C12orf42: variants seen among roughly 807,000 people sequenced by gnomAD.
The protein encoded by C12orf42 is uncharacterized protein C12orf42.
In C12orf42, 25 loss-of-function variants were observed where a neutral mutation model predicts 21.6. That is an observed-to-expected ratio of 1.16 (90% confidence interval 0.84 to 1.62). The LOEUF is 1.62. C12orf42 is among the 40% of genes most tolerant of loss of function. The pLI is 0.00. For synonymous variants in C12orf42, 174 were observed against 175.0 expected, an observed-to-expected ratio of 0.99 and a Z score of 0.05; for missense variants, 483 against 459.3, an observed-to-expected ratio of 1.05 and a Z score of -0.47.
the C12orf42 span, among the ~76,000 whole-genome samples, chr12:103,195,157 C>T: frequency 3.2e-4 from 49 of 152,250 alleles, no homozygotes; most frequent in Non-Finnish European, 5.3e-4. Flanking sequence ...TGGTATACCA[C>T]GGTGCATATG....
At chr12:103,251,309 C>T (rs2034289463) in intron 10 of C12orf42, among the ~76,000 whole-genome samples, 1 of 152,082 alleles carries the variant, frequency 6.6e-6, no homozygotes, top group African/African-American at 2.4e-5. Flanking sequence ...TTTGATTTGT[C>T]CGTTGACATC....
At chr12:103,540,329 T>A in the C12orf42 span, among the ~76,000 whole-genome samples, 4 of 152,292 alleles carry the variant, frequency 2.6e-5, no homozygotes, top group South Asian at 8.3e-4. Flanking sequence ...TCATCTGCAC[T>A]TCTTAATTCT....
At chr12:103,130,876 T>C in the C12orf42 span, among the ~76,000 whole-genome samples, 1 of 152,184 alleles carries the variant, frequency 6.6e-6, no homozygotes, top group Non-Finnish European at 1.5e-5. Context: ...GAGTAGGTTG[T>C]TGCATTGTCC....
At chr12:103,138,667 A>G in the C12orf42 span, among the ~76,000 whole-genome samples, 11 of 152,258 alleles carry the variant, frequency 7.2e-5, no homozygotes, top group South Asian at 1.0e-3. Flanking sequence ...TGAGAAATCA[A>G]TGTCATCATT....
chr12:103,528,069 T>C, the C12orf42 span, among the ~76,000 whole-genome samples: 1 of 152,238 alleles, frequency 6.6e-6, no homozygotes, highest in Non-Finnish European at 1.5e-5. Context: ...TTAGTTATAC[T>C]TCTTTTGCAA....
the C12orf42 span, chr12:103,081,661 T>C: frequency 3.3e-5 from 5 of 152,202 alleles, no homozygotes; most frequent in African/African-American, 7.2e-5. Flanking sequence ...AATAATTTTT[T>C]CTCTCTATTC....
At chr12:103,561,232 C>G in the C12orf42 span, among the ~76,000 whole-genome samples, 1 of 152,174 alleles carries the variant, frequency 6.6e-6, no homozygotes, top group African/African-American at 2.4e-5. Flanking sequence ...CATTCTCACA[C>G]GAACCAGAGC....
intron 4 of C12orf42, among the ~76,000 whole-genome samples, chr12:103,340,862 C>T (rs2137232819): frequency 6.6e-6 from 1 of 152,212 alleles, no homozygotes; most frequent in Non-Finnish European, 1.5e-5. Context: ...GCCTGTAATC[C>T]CAGCACTTTG....
At chr12:103,217,906 T>C in the C12orf42 span, among the ~76,000 whole-genome samples, 4 of 152,198 alleles carry the variant, frequency 2.6e-5, no homozygotes, top group Non-Finnish European at 5.9e-5. Flanking sequence ...GTTATCTCAC[T>C]TACTGTTGAA....
At chr12:103,146,175 G>GT in the C12orf42 span, among the ~76,000 whole-genome samples, 1 of 151,908 alleles carries the variant, frequency 6.6e-6, no homozygotes, top group Admixed American at 6.6e-5. Flanking sequence ...TATTTATAAG[G>GT]TTTTTTACAT....
the C12orf42 span, among the ~76,000 whole-genome samples, chr12:103,169,191 A>C: frequency 0.02 from 3,089 of 150,838 alleles, 45 homozygotes; most frequent in Middle Eastern, 0.066. Context: ...TAAATAAATA[A>C]ATAAATAAAA....
the C12orf42 span, among the ~76,000 whole-genome samples, chr12:103,094,349 A>G: frequency 6.6e-6 from 1 of 152,148 alleles, no homozygotes; most frequent in Non-Finnish European, 1.5e-5. Flanking sequence ...AGGTATCAAA[A>G]CCAATCTTAC....
intron 4 of C12orf42, among the ~76,000 whole-genome samples, chr12:103,354,227 T>A (rs1292648044): frequency 6.6e-6 from 1 of 152,092 alleles, no homozygotes; most frequent in Non-Finnish European, 1.5e-5. Context: ...TGGTGTATGA[T>A]AACAGTCACA....
chr12:103,197,200 T>C, the C12orf42 span, among the ~76,000 whole-genome samples: 1 of 152,204 alleles, frequency 6.6e-6, no homozygotes, highest in African/African-American at 2.4e-5. Flanking sequence ...ATATAAAATT[T>C]TTGGTTGGAA....
intron 4 of C12orf42, among the ~76,000 whole-genome samples, chr12:103,291,162 TC>T (rs2036793678): frequency 6.6e-6 from 1 of 152,202 alleles, no homozygotes; most frequent in South Asian, 2.1e-4. Flanking sequence ...TAGAAGTCCA[TC>T]TGAGAAATTC....
At chr12:103,527,165 A>G in the C12orf42 span, among the ~76,000 whole-genome samples, 1 of 152,018 alleles carries the variant, frequency 6.6e-6, no homozygotes, top group Non-Finnish European at 1.5e-5. Context: ...CTTCTGAGAA[A>G]GATTTCCTTA....
chr12:103,291,517 T>C (rs1312038557), intron 4 of C12orf42, among the ~76,000 whole-genome samples: 6 of 152,102 alleles, frequency 3.9e-5, no homozygotes, highest in African/African-American at 7.2e-5. Flanking sequence ...GGCTACCCCA[T>C]AGGCAGAGTA....
chr12:103,146,559 GAAAA>G, the C12orf42 span, among the ~76,000 whole-genome samples: 1 of 28,610 alleles, frequency 3.5e-5, no homozygotes, highest in South Asian at 1.2e-3. Context: ...AATAAAGAAA[GAAAA>G]GAAAGAAAGA....
chr12:103,234,387 A>T (rs575578076), downstream of C12orf42, among the ~76,000 whole-genome samples: 10 of 152,240 alleles, frequency 6.6e-5, no homozygotes, highest in African/African-American at 2.2e-4. Flanking sequence ...GAGATTTGTC[A>T]TGGTGACTTT....
Sources: gnomAD v4.1 joint callset for allele counts (sites outside exome capture counted in the v4.1 genomes callset) on GRCh38, gnomAD v4.1.1 for gene constraint, MANE v1.5 for transcripts, NCBI Gene and HGNC (gene_info 2026-07-23, HGNC 2026-07-21) for gene names.